LAMA1: variants seen among roughly 807,000 people sequenced by gnomAD.
LAMA1 encodes the protein laminin subunit alpha-1.
In LAMA1, 219 loss-of-function variants were observed where a neutral mutation model predicts 348.7. The ratio of observed to expected loss-of-function variants is 0.63; its 90% CI spans 0.56 to 0.70. LAMA1 has a LOEUF of 0.70. Among genes scored for constraint, LAMA1 ranks in the 30% least tolerant of loss-of-function variants. LAMA1 has a pLI of 0.00. For synonymous variants in LAMA1, 1,487 were observed against 1,491.0 expected (o/e 1.00, Z 0.06); for missense variants, 3,744 against 3,888.0 (o/e 0.96, Z 0.99).
At chr18:6,990,632 G>A (rs1434146359) in intron 36 of LAMA1, among the ~76,000 whole-genome samples, 2 of 152,146 alleles carry the variant, frequency 1.3e-5, no homozygotes, top group South Asian at 4.2e-4. Context: ...TCTCAAATTC[G>A]ATGCAAACTT....
chr18:7,001,274 A>G (rs621344), intron 30 of LAMA1, among the ~76,000 whole-genome samples: 37,431 of 152,024 alleles, frequency 0.25, 4,723 homozygotes, highest in African/African-American at 0.29. Context: ...GGAATGTAAC[A>G]CAATGTATAT....
At chr18:7,020,993 C>T (rs148395842) in intron 19 of LAMA1, among the ~76,000 whole-genome samples, 92 of 152,318 alleles carry the variant, frequency 6.0e-4, no homozygotes, top group East Asian at 1.4e-3. Flanking sequence ...ACCCTTCCGA[C>T]GTGGCTGCTT....
chr18:7,035,568 A>G lies in LAMA1; in HGVS notation c.1839+419T>C, dbSNP rs963864341. Among the ~76,000 whole-genome samples the G allele has an allele frequency of 5.3e-5, 8 of 152,114 alleles. No homozygotes were observed. The South Asian group carries it at 1.7e-3, about 32-fold the overall frequency. ...CTCCCGAGTACCTGGGATTACAGGC[A>G]CGTGCCACGGTGCCTGGCTAATATT... On this transcript the variant is annotated intron_variant, in intron 13 of 62. Transcript: ENST00000389658.
At chr18:7,092,045 T>C (rs1278004113) in intron 1 of LAMA1, among the ~76,000 whole-genome samples, 2 of 152,186 alleles carry the variant, frequency 1.3e-5, no homozygotes, top group African/African-American at 4.8e-5. Flanking sequence ...GGCAGACAAA[T>C]ATATTTAACA....
In LAMA1 at chr18:6,999,477, G is replaced by A. The variant is rs1167087188; in HGVS notation, c.4631C>T (p.Pro1544Leu). ...ASGLRCDECE[P>L]RHILMETDCV... ...ATCTGTTTCCATCAGAATGTGCCTC[G>A]GTTCACACTCATCGCACCGGAGCCC... The change falls in exon 32 of 63, where the codon CCG becomes CTG. Residue 1544 changes from proline (P) to leucine (L), a missense_variant. Around this residue, in one of 3 missense-constraint regions of LAMA1, gnomAD observed 1,983 missense variants for 1,934.3 expected, o/e 1.03. Coordinates refer to ENST00000389658, the MANE Select transcript of LAMA1 (RefSeq NM_005559.4). 1.4e-5 allele frequency: 22 copies of A among 1,614,000 alleles called. No individual in the cohort carries two copies. The East Asian group carries it at 1.6e-4, about 11-fold the overall frequency.
chr18:6,950,797 A>C lies in LAMA1; in HGVS notation c.8382T>G (p.Asp2794Glu). 2 of 1,614,092 alleles carry C rather than the reference A, an allele frequency of 1.2e-6. No individual in the cohort carries two copies. Among genetic ancestry groups the C allele is most frequent in the Non-Finnish European group, 1.7e-6 (2 of 1,179,966 alleles). The change falls in exon 58 of 63, where the codon GAT (aspartate) becomes GAG (glutamate). Residue 2794 changes from aspartate to glutamate, a missense_variant. Physicochemically the swap from Asp to Glu is conservative, Grantham distance 45 (BLOSUM62 2). Transcript: ENST00000389658. ...TKVSHPALLS[D>E]GKWHTVKTDY... is the part of the protein sequence containing the mutation. Reference sequence around the variant, plus strand: ...GAGATCGTACCGTGTGCCACTTGCCATCACTGAGCAGTGCAGGGTGAGAGA... The same window carrying C: ...GAGATCGTACCGTGTGCCACTTGCCCTCACTGAGCAGTGCAGGGTGAGAGA...
intron 60 of LAMA1, 46 bp from the exon 61 acceptor site, chr18:6,947,342 C>G (rs1405507993): frequency 3.1e-6 from 5 of 1,611,964 alleles, no homozygotes; most frequent in Non-Finnish European, 4.2e-6. Context: ...CGCTGCCAGG[C>G]CCAGGTTGAG....
intron 1 of LAMA1, among the ~76,000 whole-genome samples, chr18:7,114,076 CAAA>C (rs4012960): frequency 6.1e-5 from 7 of 115,380 alleles, no homozygotes; most frequent in Admixed American, 2.6e-4. Flanking sequence ...GACTCCGTCT[CAAA>C]AAAAAAAAAA....
rs866978320 is a variant in LAMA1, at chr18:6,999,981, C to T, written c.4399G>A (p.Val1467Ile). The change falls in exon 31 of 63, where the codon GTC (valine) becomes ATC (isoleucine). Residue 1467 changes from valine to isoleucine, a missense_variant. Physicochemically the swap from Val to Ile is conservative, Grantham distance 29. Coordinates refer to ENST00000389658, the MANE Select transcript of LAMA1 (RefSeq NM_005559.4). ...CGGAAATCGTGGTCCCCTTCCAAGACACAAGTGGGACTAAAACTGGAGGAA... is the reference window on the plus strand; with the variant it reads ...CGGAAATCGTGGTCCCCTTCCAAGATACAAGTGGGACTAAAACTGGAGGAA... ...SPPASFSPTC[V>I]LEGDHDFRCD... 1 of 1,613,754 alleles carries T rather than the reference C, an allele frequency of 6.2e-7. No homozygotes were observed. The highest frequency in any genetic ancestry group is 8.5e-7 in the Non-Finnish European group (1 of 1,179,662).
chr18:6,944,567 A>C (rs1217867947), intron 61 of LAMA1, among the ~76,000 whole-genome samples: 1 of 152,184 alleles, frequency 6.6e-6, no homozygotes, highest in Non-Finnish European at 1.5e-5. Context: ...GGTGGCCCTC[A>C]TCCAATCTGA....
chr18:6,952,976 CGGCGGATCCACGCCATAGG>C lies in LAMA1; in HGVS notation c.8208-2024_8208-2006del, dbSNP rs1568004509. Among the ~76,000 whole-genome samples, 40 of 136,756 alleles carry C rather than the reference CGGCGGATCCACGCCATAGG, an allele frequency of 2.9e-4. 1 individual carries two copies. Among genetic ancestry groups the C allele is most frequent in the South Asian group, 1.1e-3 (5 of 4,364 alleles). The allele number at this position is 136,756 out of a possible 152,430, so 89.7% of individuals were successfully genotyped here. On this transcript the variant is annotated intron_variant, in intron 57 of 62. Transcript: ENST00000389658. Reference sequence around the variant, plus strand: ...CATGGGAGCCATGTCTGCCTGTGTCCGGCGGATCCACGCCATAGGAGCCATGTCTGCCTGTGTCCAGTGG... The same window carrying C: ...CATGGGAGCCATGTCTGCCTGTGTCCAGCCATGTCTGCCTGTGTCCAGTGG...
In LAMA1 at chr18:7,057,020, C is replaced by T. The variant is rs535601267; in HGVS notation, c.346-6084G>A. 5.3e-5 allele frequency among the ~76,000 whole-genome samples: 8 copies of T among 152,008 alleles called. No individual in the cohort carries two copies. The South Asian group carries it at 6.2e-4, about 12-fold the overall frequency. Reference sequence around the variant, plus strand: ...CGGAGTAGCTGGGATTACTGGTGCACGCCACCATGTCCAGCTAATTTTTGT... The same window carrying T: ...CGGAGTAGCTGGGATTACTGGTGCATGCCACCATGTCCAGCTAATTTTTGT... On this transcript the variant is annotated intron_variant, in intron 3 of 62. Transcript: ENST00000389658.
At position 7,035,922 on chromosome 18, in the gene LAMA1, C is replaced by T. The variant is rs557161493; in HGVS notation, c.1839+65G>A. The T allele has an allele frequency of 3.5e-5, 48 of 1,364,580 alleles. No homozygotes were observed. In the African/African-American group the frequency reaches 6.5e-4, roughly 19 times the overall value. The allele number at this position is 1,364,580 out of a possible 1,614,324, so 84.5% of individuals were successfully genotyped here. A position where few individuals can be genotyped will look rare whatever the true frequency, so the allele number is the denominator to read the frequency against. On this transcript the variant is annotated intron_variant, in intron 13 of 62. Coordinates refer to ENST00000389658, the MANE Select transcript of LAMA1 (RefSeq NM_005559.4). The stretch of plus-strand genomic sequence containing the variant: ...TGGGATGTCCTCACCTAGTAACTTT[C>T]AGTCATAAACTATCAGCCCACTAAG...
chr18:7,016,303 G>A (rs1425729678), intron 21 of LAMA1, among the ~76,000 whole-genome samples, 188 bp downstream of exon 21: 1 of 152,202 alleles, frequency 6.6e-6, no homozygotes, highest in East Asian at 1.9e-4. Flanking sequence ...GTAGGCGGCA[G>A]AGCCATGACC....
Position 7,080,353 on chromosome 18 carries a change from C to T in LAMA1, c.166G>A (p.Val56Met), listed in dbSNP as rs1434480884. 6.2e-7 allele frequency: 1 copy of T among 1,614,280 alleles called. No individual in the cohort carries two copies. The highest frequency in any genetic ancestry group is 1.1e-5 in the South Asian group (1 of 91,086). ...GGGTTTCGGACGGGCCGACCTGGCA[C>T]ATGCTCCACAAGTTTGCAGAACATC... Reference protein sequence around the residue: ...PEMFCKLVEHVPGRPVRNPQC... With the variant: ...PEMFCKLVEHMPGRPVRNPQC... Residue 56 changes from valine to methionine, a missense_variant, in exon 2 of 63, where the codon GTG becomes ATG. By Grantham distance (21) the Val-to-Met change is conservative. Around this residue, in one of 3 missense-constraint regions of LAMA1, gnomAD observed 1,529 missense variants for 1,689.4 expected, o/e 0.91. Coordinates refer to ENST00000389658, the MANE Select transcript of LAMA1 (RefSeq NM_005559.4).
Position 6,947,318 on chromosome 18 carries a change from C to T in LAMA1, c.8711-22G>A, listed in dbSNP as rs765696900. On this transcript the variant is annotated intron_variant, in intron 60 of 62. Transcript: ENST00000389658. ...TTGACTGTAACACACAAGGAGGACC[C>T]AAGTCAGGGTGAGCGCTGCCAGGCC... The T allele has an allele frequency of 5.0e-6, 8 of 1,612,856 alleles. No individual in the cohort carries two copies. In the South Asian group the frequency reaches 8.8e-5, roughly 18 times the overall value.
At chr18:6,988,320 A>G (rs2057744230) in intron 36 of LAMA1, among the ~76,000 whole-genome samples, 1 of 152,200 alleles carries the variant, frequency 6.6e-6, no homozygotes, top group South Asian at 2.1e-4. Flanking sequence ...ATGTTCCTCT[A>G]CAACACCAAT....
At chr18:6,996,890 T>C (rs2057783611) in intron 33 of LAMA1, among the ~76,000 whole-genome samples, 1 of 152,206 alleles carries the variant, frequency 6.6e-6, no homozygotes, top group Middle Eastern at 3.2e-3. Context: ...ACCCAGGCTC[T>C]GTTGATGAAA....
At chr18:7,059,183 C>T (rs2058093666) in intron 3 of LAMA1, among the ~76,000 whole-genome samples, 1 of 152,196 alleles carries the variant, frequency 6.6e-6, no homozygotes, top group South Asian at 2.1e-4. Context: ...AGCCACTGTG[C>T]CTGGCCAGTA....
Sources: gnomAD v4.1 joint callset for allele counts (sites outside exome capture counted in the v4.1 genomes callset) on GRCh38, gnomAD v4.1.1 for gene constraint, gnomAD v4.1.1 regional missense constraint, MANE v1.5 for transcripts, NCBI Gene and HGNC (gene_info 2026-07-23, HGNC 2026-07-21) for gene names.